The following RBFOX1 variants were observed in gnomAD, a reference collection of about 807,000 sequenced individuals.
RBFOX1 encodes the protein RNA binding fox-1 homolog 1, also known as RNA binding protein fox-1 homolog 1.
In RBFOX1, 8 loss-of-function variants were observed where a neutral mutation model predicts 57.7. The observed-to-expected ratio is 0.14, with a 90% confidence interval of 0.08 to 0.25. The LOEUF (loss-of-function observed/expected upper bound fraction) is 0.25. Among genes scored for constraint, RBFOX1 ranks in the 10% least tolerant of loss-of-function variants. The probability of loss-of-function intolerance (pLI) is 1.00; values close to 1 mark genes in which losing one functional copy is unlikely to be tolerated. For synonymous variants in RBFOX1, 326 were observed against 222.4 expected (o/e 1.47, Z -4.15); for missense variants, 611 against 548.5 (o/e 1.11, Z -1.14).
At chr16:5,983,235 C>T (rs2060209700) in intron 4 of RBFOX1, among the ~76,000 whole-genome samples, 1 of 152,210 alleles carries the variant, frequency 6.6e-6, no homozygotes, top group African/African-American at 2.4e-5. Flanking sequence ...CAGAAAGTGG[C>T]AGATCCATTG....
intron 4 of RBFOX1, among the ~76,000 whole-genome samples, chr16:7,313,718 A>G (rs1347676878): frequency 3.4e-5 from 5 of 148,468 alleles, no homozygotes; most frequent in East Asian, 2.0e-4. Flanking sequence ...CCACAAAAAA[A>G]GCCTCCAGGG....
intron 4 of RBFOX1, among the ~76,000 whole-genome samples, chr16:7,448,020 C>T (rs2098822062): frequency 6.6e-6 from 1 of 152,206 alleles, no homozygotes; most frequent in Non-Finnish European, 1.5e-5. Context: ...CACCCACCCT[C>T]CTTTCTTCTG....
intron 1 of RBFOX1, among the ~76,000 whole-genome samples, chr16:5,352,376 T>C (rs934581836): frequency 3.3e-5 from 5 of 152,228 alleles, no homozygotes; most frequent in Non-Finnish European, 5.9e-5. Context: ...ACTTTTTGTC[T>C]CAAATAATTT....
At chr16:6,395,206 A>G (rs1015451971) in intron 2 of RBFOX1, among the ~76,000 whole-genome samples, 2 of 152,090 alleles carry the variant, frequency 1.3e-5, no homozygotes, top group Non-Finnish European at 2.9e-5. Context: ...TGAAGACAGG[A>G]TTTTTTTTGT....
chr16:6,338,898 A>G (rs1418454747), intron 2 of RBFOX1, among the ~76,000 whole-genome samples: 1 of 152,218 alleles, frequency 6.6e-6, no homozygotes, highest in Non-Finnish European at 1.5e-5. Context: ...GAATTAGTCA[A>G]GAACTCATTC....
chr16:5,369,766 C>G (rs968910603), intron 1 of RBFOX1, among the ~76,000 whole-genome samples: 27 of 152,340 alleles, frequency 1.8e-4, no homozygotes, highest in African/African-American at 6.0e-4. Context: ...ACCTCACCTG[C>G]TCTACTCATT....
chr16:6,754,186 C>G (rs2075409833), intron 3 of RBFOX1, among the ~76,000 whole-genome samples: 1 of 152,198 alleles, frequency 6.6e-6, no homozygotes, highest in Non-Finnish European at 1.5e-5. Context: ...ACTCAACACT[C>G]AGGCAGCTAC....
intron 1 of RBFOX1, among the ~76,000 whole-genome samples, chr16:5,413,806 G>C (rs1455584600): frequency 6.6e-6 from 1 of 152,170 alleles, no homozygotes; most frequent in East Asian, 1.9e-4. Flanking sequence ...GGGGTGAGGT[G>C]TGGAGGGTAA....
At chr16:7,109,856 A>T (rs548780505) in intron 4 of RBFOX1, among the ~76,000 whole-genome samples, 74 of 152,270 alleles carry the variant, frequency 4.9e-4, no homozygotes, top group African/African-American at 1.8e-3. Flanking sequence ...AGGTGCTAGG[A>T]CCAGGTCACT....
rs575034191 is a variant in RBFOX1, at chr16:7,087,003, G to T, written c.27+34905G>T. Among the ~76,000 whole-genome samples, 68 of 152,278 alleles carry T rather than the reference G, an allele frequency of 4.5e-4. 1 individual carries two copies. Among genetic ancestry groups the T allele is most frequent in the African/African-American group, 1.6e-3 (67 of 41,560 alleles). ...GGGCAGGCGGCAGCTGCAGCGATGG[G>T]CAGGACCGCAGCCTCTGAGCCCGCA... On this transcript the variant is annotated intron_variant, in intron 4 of 15. Coordinates refer to ENST00000550418, the MANE Select transcript of RBFOX1 (RefSeq NM_018723.4).
intron 1 of RBFOX1, among the ~76,000 whole-genome samples, chr16:6,308,303 C>T (rs1337097395): frequency 2.0e-5 from 3 of 152,020 alleles, no homozygotes. Context: ...TTGCTTATTC[C>T]TTATGTAGAT....
chr16:7,010,135 G>T (rs145077785), intron 3 of RBFOX1, among the ~76,000 whole-genome samples: 1 of 152,222 alleles, frequency 6.6e-6, no homozygotes, highest in African/African-American at 2.4e-5. Flanking sequence ...TGCAAAGCAC[G>T]TGATCATTCC....
intron 2 of RBFOX1, among the ~76,000 whole-genome samples, chr16:6,558,044 A>T (rs539282440): frequency 1.3e-5 from 2 of 152,252 alleles, no homozygotes; most frequent in South Asian, 4.1e-4. Flanking sequence ...ATTTTTCATA[A>T]ATTAGGCTCT....
chr16:6,924,760 C>T (rs1191577323), intron 3 of RBFOX1, among the ~76,000 whole-genome samples: 1 of 151,238 alleles, frequency 6.6e-6, no homozygotes, highest in African/African-American at 2.4e-5. Context: ...ATACATGTGC[C>T]ATGTTGGTGT....
At chr16:6,513,506 G>T (rs562901816) in intron 2 of RBFOX1, among the ~76,000 whole-genome samples, 1 of 152,276 alleles carries the variant, frequency 6.6e-6, no homozygotes, top group South Asian at 2.1e-4. Flanking sequence ...GGTCGAGGCA[G>T]GCGGATCACC....
At chr16:7,468,739 G>C (rs1466528670) in intron 4 of RBFOX1, among the ~76,000 whole-genome samples, 1 of 152,124 alleles carries the variant, frequency 6.6e-6, no homozygotes, top group Non-Finnish European at 1.5e-5. Context: ...GTCAGCCTCT[G>C]AGCAGGGATT....
intron 2 of RBFOX1, among the ~76,000 whole-genome samples, chr16:6,639,419 T>C (rs1273993411): frequency 1.3e-5 from 2 of 152,096 alleles, no homozygotes; most frequent in African/African-American, 2.4e-5. Flanking sequence ...CTGTTAGAAA[T>C]TGCATCTTTT....
chr16:7,643,460 CT>C (rs1214601346), intron 11 of RBFOX1, among the ~76,000 whole-genome samples: 22 of 152,312 alleles, frequency 1.4e-4, no homozygotes, highest in African/African-American at 5.3e-4. Flanking sequence ...ATGAAGGTTT[CT>C]TATGCAGATC....
intron 11 of RBFOX1, 84 bp from the exon 12 acceptor site, chr16:7,653,731 A>G: frequency 1.3e-6 from 2 of 1,580,224 alleles, no homozygotes; most frequent in Non-Finnish European, 8.6e-7. Flanking sequence ...TGCAGGGACA[A>G]GGGTTCCCGG....
Sources: allele counts gnomAD v4.1 joint callset (sites outside exome capture counted in the v4.1 genomes callset), GRCh38; gene constraint gnomAD v4.1.1; transcripts MANE v1.5; gene names NCBI Gene and HGNC (gene_info 2026-07-23, HGNC 2026-07-21).